Variants in COL24A1 observed in about 807,000 individuals in gnomAD.
COL24A1 encodes the protein collagen alpha-1(XXIV) chain.
A neutral mutation model predicts 253.9 loss-of-function variants in COL24A1; 224 were observed. That is an observed-to-expected ratio of 0.88 (90% CI 0.79 to 0.99). The LOEUF is 0.99. Among genes scored for constraint, COL24A1 ranks in the 50% least tolerant of loss-of-function variants. The pLI is 0.00. For missense variants in COL24A1, 2,131 were observed against 2,068.5 expected (o/e 1.03, Z -0.59); for synonymous variants, 685 against 673.7 (o/e 1.02, Z -0.26).
chr1:86,019,617 G>C (rs1157117016), intron 18 of COL24A1, among the ~76,000 whole-genome samples: 3 of 151,708 alleles, frequency 2.0e-5, no homozygotes, highest in Non-Finnish European at 4.4e-5. Flanking sequence ...TACAACAAGA[G>C]ACAAAATACA....
intron 57 of COL24A1, among the ~76,000 whole-genome samples, chr1:85,742,155 A>G: frequency 7.4e-6 from 1 of 134,586 alleles, no homozygotes; most frequent in South Asian, 2.3e-4. Context: ...TTCTTTTGAG[A>G]CAGAGTCTCA....
chr1:85,851,707 C>T (rs549695895), intron 37 of COL24A1, among the ~76,000 whole-genome samples: 44 of 152,258 alleles, frequency 2.9e-4, no homozygotes, highest in African/African-American at 9.9e-4. Context: ...ATAAAGTTAT[C>T]GGACATCTAT....
intron 24 of COL24A1, among the ~76,000 whole-genome samples, chr1:85,939,750 C>T (rs1161059198): frequency 1.3e-5 from 2 of 151,802 alleles, no homozygotes; most frequent in Non-Finnish European, 2.9e-5. Flanking sequence ...GTGCAGTGTG[C>T]TTATATTATG....
At chr1:86,017,042 C>G in intron 19 of COL24A1, 109 bp downstream of exon 19, 1 of 1,051,882 alleles carries the variant, frequency 9.5e-7, no homozygotes, top group African/African-American at 1.7e-5. Context: ...GAGATCTAAA[C>G]TTTAAAGAGG....
At chr1:86,019,151 G>T (rs1206439987) in intron 18 of COL24A1, among the ~76,000 whole-genome samples, 1 of 152,140 alleles carries the variant, frequency 6.6e-6, no homozygotes. Flanking sequence ...GAATGTGGGA[G>T]TTTGTTTCTT....
chr1:85,840,623 T>A (rs1432655074), intron 42 of COL24A1, among the ~76,000 whole-genome samples: 1 of 152,164 alleles, frequency 6.6e-6, no homozygotes, highest in East Asian at 1.9e-4. Context: ...AATTTACATA[T>A]GGTCTTTAGA....
intron 53 of COL24A1, among the ~76,000 whole-genome samples, chr1:85,762,082 G>A (rs1260402402): frequency 1.3e-5 from 2 of 152,094 alleles, no homozygotes; most frequent in East Asian, 3.9e-4. Context: ...TTAGAAAAGT[G>A]AAAAGGTGTA....
rs866042066 is a variant in COL24A1 at position 86,094,066 on chromosome 1, C to T, written c.1600-1746G>A. Among the ~76,000 whole-genome samples, 10 of 151,894 alleles carry T rather than the reference C, an allele frequency of 6.6e-5. No individual in the cohort carries two copies. The South Asian group carries it at 1.4e-3, about 22-fold the overall frequency. On this transcript the variant is annotated intron_variant, in intron 5 of 59. Coordinates refer to ENST00000370571, the MANE Select transcript of COL24A1 (RefSeq NM_152890.7). ...GGAGTATAAATCAGTTCACCCATTG[C>T]GGAAGACAGTGTGGCAATTCCTCAA...
At chr1:86,052,420 A>G (rs559417950) in intron 10 of COL24A1, among the ~76,000 whole-genome samples, 4 of 152,144 alleles carry the variant, frequency 2.6e-5, no homozygotes, top group African/African-American at 7.2e-5. Context: ...AAGGATGCTG[A>G]TAACTGCCAC....
chr1:86,083,853 G>A (rs1702858717), intron 7 of COL24A1, among the ~76,000 whole-genome samples: 1 of 152,188 alleles, frequency 6.6e-6, no homozygotes, highest in Admixed American at 6.5e-5. Flanking sequence ...CAATACCACA[G>A]TGAATGAAAT....
intron 24 of COL24A1, among the ~76,000 whole-genome samples, chr1:85,945,017 T>TTTTTTTG (rs1689165908): frequency 4.3e-5 from 4 of 92,742 alleles, no homozygotes; most frequent in Non-Finnish European, 6.5e-5. Flanking sequence ...TTTTTTTTTT[T>TTTTTTTG]TTTTTTTTTT....
intron 47 of COL24A1, among the ~76,000 whole-genome samples, chr1:85,803,578 A>T (rs11161676): frequency 0.42 from 57,848 of 137,336 alleles, 12,578 homozygotes; most frequent in Non-Finnish European, 0.54. Flanking sequence ...TTCAGGATAT[A>T]GGTTTGCACT....
At chr1:85,740,281 T>C (rs939174771) in intron 57 of COL24A1, among the ~76,000 whole-genome samples, 2 of 152,192 alleles carry the variant, frequency 1.3e-5, no homozygotes, top group African/African-American at 4.8e-5. Flanking sequence ...ATTCCCTCTA[T>C]CACTAAGATA....
intron 59 of COL24A1, among the ~76,000 whole-genome samples, chr1:85,731,130 C>G (rs1481214105): frequency 6.6e-6 from 1 of 152,204 alleles, no homozygotes; most frequent in Non-Finnish European, 1.5e-5. Flanking sequence ...AGAATCACCT[C>G]AGTCAGAAAT....
chr1:85,730,257 A>G lies in COL24A1; in HGVS notation c.*289T>C. 4.2e-6 allele frequency: 1 copy of G among 240,696 alleles called. No individual in the cohort carries two copies. Among genetic ancestry groups the G allele is most frequent in the South Asian group, 7.6e-5 (1 of 13,106 alleles). 14.9% of individuals were successfully genotyped at this position (240,696 alleles called of 1,614,324 possible). On this transcript the variant is annotated 3_prime_UTR_variant, in exon 60 of 60. Coordinates refer to ENST00000370571, the MANE Select transcript of COL24A1 (RefSeq NM_152890.7). ...GGGTACTACGCACTCAGTCAAAAAT[A>G]TAAGATACCCTGAAGAATTCCATAT...
At chr1:85,797,636 C>A (rs188126974) in intron 47 of COL24A1, among the ~76,000 whole-genome samples, 10 of 152,224 alleles carry the variant, frequency 6.6e-5, no homozygotes, top group Admixed American at 6.5e-4. Context: ...TGTGAACCTG[C>A]GGAAGTTATT....
At chr1:85,852,093 G>A (rs193189705) in intron 37 of COL24A1, among the ~76,000 whole-genome samples, 34 of 152,000 alleles carry the variant, frequency 2.2e-4, no homozygotes, top group African/African-American at 7.7e-4. Flanking sequence ...AATTTTGCGG[G>A]GTGTGTGTTT....
chr1:85,741,375 G>T (rs1664626667), intron 57 of COL24A1, among the ~76,000 whole-genome samples: 1 of 152,124 alleles, frequency 6.6e-6, no homozygotes, highest in Non-Finnish European at 1.5e-5. Context: ...TTTTATAGAA[G>T]ATTTTTGTTT....
At chr1:85,880,537 A>C (rs781059760) in intron 32 of COL24A1, among the ~76,000 whole-genome samples, 14 of 152,132 alleles carry the variant, frequency 9.2e-5, no homozygotes, top group Non-Finnish European at 1.9e-4. Context: ...ACTAGCTAGG[A>C]CTTCCAGAAC....
Sources: allele counts gnomAD v4.1 joint callset (sites outside exome capture counted in the v4.1 genomes callset), GRCh38; gene constraint gnomAD v4.1.1; transcripts MANE v1.5; gene names NCBI Gene and HGNC (gene_info 2026-07-23, HGNC 2026-07-21).